The following NRG3 variants were observed in gnomAD, a reference collection of about 807,000 sequenced individuals.
NRG3 encodes pro-neuregulin-3, membrane-bound isoform.
NRG3 carries 31 observed loss-of-function variants against 66.9 expected under a neutral mutation model. The observed-to-expected ratio is 0.46, with a 90% CI of 0.35 to 0.63. NRG3 has a LOEUF of 0.63. Ranked by LOEUF, NRG3 falls within the 20% of genes least tolerant of loss-of-function variation. NRG3 has a pLI of 0.00. For missense variants in NRG3, 910 were observed against 878.9 expected, an observed-to-expected ratio of 1.04 and a Z score of -0.45; for synonymous variants, 393 against 359.4, an observed-to-expected ratio of 1.09 and a Z score of -1.06.
In NRG3 at chr10:82,422,428, G is replaced by A. The variant is rs377622369; in HGVS notation, c.953+63560G>A. ...TTCTCAAATCTCTCTGACTGGGAAA[G>A]CCCCTGTTAATTTTTCTCAGAGAAC... is the stretch of plus-strand genomic sequence containing the variant. On this transcript the variant is annotated intron_variant, in intron 2 of 8. Coordinates refer to ENST00000372141, the MANE Select transcript of NRG3 (RefSeq NM_001010848.4). Among the ~76,000 whole-genome samples, 305 of 152,104 alleles carry A rather than the reference G, an allele frequency of 2.0e-3. 5 individuals are homozygous for A. The South Asian group carries it at 0.02, about 10-fold the overall frequency.
At chr10:82,562,680 A>G (rs1213669118) in intron 2 of NRG3, among the ~76,000 whole-genome samples, 2 of 152,156 alleles carry the variant, frequency 1.3e-5, no homozygotes, top group Non-Finnish European at 2.9e-5. Context: ...TTTTTTCTCA[A>G]TCACATCACA....
chr10:82,628,700 G>A (rs1209163881), intron 2 of NRG3, among the ~76,000 whole-genome samples: 2 of 152,150 alleles, frequency 1.3e-5, no homozygotes, highest in African/African-American at 4.8e-5. Context: ...TAGAAGTGAT[G>A]ACCTCATGCA....
At chr10:82,893,684 CA>C (rs939493929) in intron 4 of NRG3, among the ~76,000 whole-genome samples, 14 of 143,030 alleles carry the variant, frequency 9.8e-5, no homozygotes, top group Admixed American at 4.2e-4. Flanking sequence ...GAGACTTTGT[CA>C]AAAAAAAAAG....
chr10:82,183,698 A>G (rs1215620349), intron 1 of NRG3, among the ~76,000 whole-genome samples: 2 of 152,074 alleles, frequency 1.3e-5, no homozygotes, highest in African/African-American at 2.4e-5. Context: ...ATGTCTAGAG[A>G]CATTTTTGGT....
At chr10:82,694,140 C>G (rs566783994) in intron 2 of NRG3, among the ~76,000 whole-genome samples, 1 of 151,978 alleles carries the variant, frequency 6.6e-6, no homozygotes, top group South Asian at 2.1e-4. Context: ...CATTTACAAG[C>G]CTTTAGCTAG....
chr10:82,072,691 G>A (rs908443926), intron 1 of NRG3, among the ~76,000 whole-genome samples: 1 of 46,774 alleles, frequency 2.1e-5, no homozygotes, highest in African/African-American at 6.4e-5. Context: ...GATTATAGAT[G>A]ACTTTTTTTT....
intron 4 of NRG3, among the ~76,000 whole-genome samples, chr10:82,895,486 C>CTTTTTTT (rs57655284): frequency 7.8e-6 from 1 of 128,338 alleles, no homozygotes; most frequent in African/African-American, 2.9e-5. Context: ...CAATAACATT[C>CTTTTTTT]TTTTTTTTTT....
chr10:82,727,639 C>T (rs1386469781), intron 2 of NRG3, among the ~76,000 whole-genome samples: 1 of 152,228 alleles, frequency 6.6e-6, no homozygotes, highest in Non-Finnish European at 1.5e-5. Flanking sequence ...TCTGCTAGGG[C>T]AGTGCAGAAG....
intron 4 of NRG3, among the ~76,000 whole-genome samples, chr10:82,872,865 C>T (rs1015595928): frequency 3.9e-5 from 6 of 151,992 alleles, no homozygotes; most frequent in East Asian, 3.9e-4. Context: ...AAATCTATAC[C>T]GGCCCCATAT....
rs796884608 is a variant in NRG3 at position 82,588,503 on chromosome 10, CT to C, written c.954-150064del. Among the ~76,000 whole-genome samples the C allele has an allele frequency of 3.6e-4, 53 of 149,206 alleles. 1 individual carries two copies. The highest frequency in any genetic ancestry group is 1.2e-3 in the African/African-American group (49 of 40,706). ...CTGCAGAACTGTGAACCAATTGAAC[CT>C]TTTTTTTTTCTTTTTTGAGATGGAG... On this transcript the variant is annotated intron_variant, in intron 2 of 8. Transcript: ENST00000372141.
At chr10:81,907,097 A>C (rs1342141089) in intron 1 of NRG3, among the ~76,000 whole-genome samples, 1 of 152,166 alleles carries the variant, frequency 6.6e-6, no homozygotes, top group Non-Finnish European at 1.5e-5. Flanking sequence ...CTTAGGAAAA[A>C]TAGCACCATT....
chr10:82,019,630 A>G lies in NRG3; in HGVS notation c.823+143467A>G, dbSNP rs980608290. 3.9e-5 allele frequency among the ~76,000 whole-genome samples: 6 copies of G among 152,146 alleles called. No individual in the cohort carries two copies. In the East Asian group the frequency reaches 7.7e-4, roughly 20 times the overall value. ...CAATTTCAGGGCCTGTTATTGGTTT[A>G]TTAAGAGATTCAGCTTCTTCCTGGT... On this transcript the variant is annotated intron_variant, in intron 1 of 8. Transcript: ENST00000372141.
intron 2 of NRG3, among the ~76,000 whole-genome samples, chr10:82,459,164 A>G (rs554850635): frequency 2.0e-5 from 3 of 152,232 alleles, no homozygotes; most frequent in East Asian, 3.9e-4. Context: ...GGCATGCTCT[A>G]TTACCTGCAT....
In NRG3 at chr10:82,176,508, C is replaced by T. The variant is rs74144194; in HGVS notation, c.824-182231C>T. Among the ~76,000 whole-genome samples, 1,377 of 152,118 alleles carry T rather than the reference C, an allele frequency of 9.1e-3. 19 individuals are homozygous for T. Among genetic ancestry groups the T allele is most frequent in the African/African-American group, 0.032 (1,308 of 41,496 alleles). On this transcript the variant is annotated intron_variant, in intron 1 of 8. Coordinates refer to ENST00000372141, the MANE Select transcript of NRG3 (RefSeq NM_001010848.4). Reference sequence around the variant, plus strand: ...GCTCCCTATATGTTTCTATCCATGCCCAAACACGTAGGCTACCCTCTGTCA... The same window carrying T: ...GCTCCCTATATGTTTCTATCCATGCTCAAACACGTAGGCTACCCTCTGTCA...
chr10:82,849,408 T>G (rs1468206632), intron 3 of NRG3, among the ~76,000 whole-genome samples: 2 of 152,196 alleles, frequency 1.3e-5, no homozygotes, highest in Non-Finnish European at 2.9e-5. Flanking sequence ...TCTGGTGCTT[T>G]GTTATGGAAG....
intron 1 of NRG3, among the ~76,000 whole-genome samples, chr10:82,234,756 CT>C (rs1414387110): frequency 6.6e-6 from 1 of 152,194 alleles, no homozygotes; most frequent in Non-Finnish European, 1.5e-5. Context: ...TCACTAAGAT[CT>C]TTATACCAAG....
intron 1 of NRG3, among the ~76,000 whole-genome samples, chr10:81,903,000 C>T (rs951686734): frequency 8.6e-5 from 13 of 150,298 alleles, no homozygotes; most frequent in African/African-American, 3.1e-4. Flanking sequence ...CTCCATTTCA[C>T]TGAAAAAAAA....
chr10:82,350,780 G>T (rs962770267), intron 1 of NRG3, among the ~76,000 whole-genome samples: 1 of 152,140 alleles, frequency 6.6e-6, no homozygotes, highest in Non-Finnish European at 1.5e-5. Flanking sequence ...CTTGTGTGGG[G>T]AATTGCTGAA....
chr10:82,727,441 C>T (rs1036664643), intron 2 of NRG3, among the ~76,000 whole-genome samples: 1 of 152,230 alleles, frequency 6.6e-6, no homozygotes, highest in African/African-American at 2.4e-5. Flanking sequence ...GGCCAAGGTA[C>T]AGCTCAGGCC....
Sources: gnomAD v4.1 joint callset for allele counts (sites outside exome capture counted in the v4.1 genomes callset) on GRCh38, gnomAD v4.1.1 for gene constraint, MANE v1.5 for transcripts, NCBI Gene and HGNC (gene_info 2026-07-23, HGNC 2026-07-21) for gene names.